PIAS2: variants seen among roughly 807,000 people sequenced by gnomAD.
The protein encoded by PIAS2 is E3 SUMO-protein ligase PIAS2.
PIAS2 carries 19 observed loss-of-function variants against 69.7 expected under a neutral mutation model. That is an observed-to-expected ratio of 0.27 (90% CI 0.19 to 0.40). The LOEUF (loss-of-function observed/expected upper bound fraction) is 0.40. Ranked by LOEUF, PIAS2 falls within the 10% of genes least tolerant of loss-of-function variation. The pLI is 1.00. For missense variants in PIAS2, 624 were observed against 757.0 expected, an observed-to-expected ratio of 0.82 and a Z score of 2.06; for synonymous variants, 261 against 263.2, an observed-to-expected ratio of 0.99 and a Z score of 0.08.
intron 12 of PIAS2, among the ~76,000 whole-genome samples, chr18:46,820,249 A>G (rs1413863069): frequency 1.3e-5 from 2 of 152,162 alleles, no homozygotes; most frequent in African/African-American, 4.8e-5. Flanking sequence ...AAGTGATGCC[A>G]GCATATTGTT....
In PIAS2 at chr18:46,881,813, C is replaced by T. The variant is rs373726976; in HGVS notation, c.499+8767G>A. On this transcript the variant is annotated intron_variant, in intron 2 of 13. Transcript: ENST00000585916. ...TGGCTTCTCCACAATTAAGAATACA[C>T]AGACACCGGGCACGGTGGCTCACGC... is the stretch of plus-strand genomic sequence containing the variant. Among the ~76,000 whole-genome samples, 10 of 152,338 alleles carry T rather than the reference C, an allele frequency of 6.6e-5. No individual in the cohort carries two copies. In the South Asian group the frequency reaches 1.9e-3, roughly 28 times the overall value.
chr18:46,837,617 T>C (rs542742751), intron 8 of PIAS2, among the ~76,000 whole-genome samples: 2 of 152,360 alleles, frequency 1.3e-5, no homozygotes, highest in African/African-American at 4.8e-5. Flanking sequence ...TGTTTTTATA[T>C]AATCAACTGT....
intron 1 of PIAS2, among the ~76,000 whole-genome samples, chr18:46,908,305 T>C (rs979039046): frequency 1.8e-4 from 28 of 152,158 alleles, no homozygotes; most frequent in African/African-American, 6.8e-4. Context: ...AGCAGCATCA[T>C]CTTGTTTTAG....
chr18:46,861,523 G>A (rs964485473), intron 3 of PIAS2, among the ~76,000 whole-genome samples: 2 of 152,120 alleles, frequency 1.3e-5, no homozygotes, highest in Non-Finnish European at 2.9e-5. Context: ...CAGATACCTG[G>A]CAGCTAGTAT....
At chr18:46,862,146 C>G (rs1308958195) in intron 3 of PIAS2, among the ~76,000 whole-genome samples, 1 of 152,112 alleles carries the variant, frequency 6.6e-6, no homozygotes, top group East Asian at 1.9e-4. Context: ...CCCTGGCCAA[C>G]GTGGTGAAAC....
intron 1 of PIAS2, among the ~76,000 whole-genome samples, chr18:46,913,477 C>A (rs1288388015): frequency 6.6e-6 from 1 of 151,562 alleles, no homozygotes; most frequent in Non-Finnish European, 1.5e-5. Context: ...CTCACAGGCA[C>A]ATTCTCTCTC....
At chr18:46,844,593 T>C (rs2045900486) in intron 7 of PIAS2, 141 bp downstream of exon 7, 2 of 391,602 alleles carry the variant, frequency 5.1e-6, no homozygotes, top group Non-Finnish European at 4.5e-6. Flanking sequence ...TCACCAGTAA[T>C]GTATATAAAT....
Position 46,855,560 on chromosome 18 carries a change from C to T in PIAS2, c.635+5G>A. 6.2e-7 allele frequency: 1 copy of T among 1,612,552 alleles called. No homozygotes were observed. The highest frequency in any genetic ancestry group is 8.5e-7 in the Non-Finnish European group (1 of 1,178,808). On this transcript the variant is annotated splice_donor_5th_base_variant and intron_variant, in intron 4 of 13. Transcript: ENST00000585916. Reference sequence around the variant, plus strand: ...AACTAAGGTAACAGAAAATTTCAAACTCACCTCAACTGAACTTGGACTGTA... The same window carrying T: ...AACTAAGGTAACAGAAAATTTCAAATTCACCTCAACTGAACTTGGACTGTA...
chr18:46,844,668 A>C, intron 7 of PIAS2, 66 bp downstream of exon 7: 1 of 550,824 alleles, frequency 1.8e-6, no homozygotes, highest in Non-Finnish European at 3.0e-6. Context: ...TAAAGCATTA[A>C]AGTATCTCAT....
At chr18:46,894,214 A>G (rs2054502539) in intron 1 of PIAS2, among the ~76,000 whole-genome samples, 1 of 152,166 alleles carries the variant, frequency 6.6e-6, no homozygotes, top group Non-Finnish European at 1.5e-5. Flanking sequence ...AATTCTACAA[A>G]TATGTTGTTT....
chr18:46,894,878 C>T (rs1434425221), intron 1 of PIAS2, among the ~76,000 whole-genome samples: 1 of 151,820 alleles, frequency 6.6e-6, no homozygotes, highest in Non-Finnish European at 1.5e-5. Flanking sequence ...TGAGACCAGC[C>T]TGACCAACAC....
In PIAS2 at chr18:46,808,405, TG is replaced by T. The variant is rs1568316689; in HGVS notation, c.*4027del. On this transcript the variant is annotated 3_prime_UTR_variant, in exon 14 of 14. Transcript: ENST00000585916. ...CAGGCAAGCATTAAAGAATGGACAT[TG>T]GGTACAGCTTTATTTATTTCTTTTA... The T allele has an allele frequency of 6.6e-6, 1 of 152,180 alleles. No individual in the cohort carries two copies. Among genetic ancestry groups the T allele is most frequent in the Non-Finnish European group, 1.5e-5 (1 of 68,030 alleles). 9.4% of individuals were successfully genotyped at this position (152,180 alleles called of 1,614,324 possible). A position where few individuals can be genotyped will look rare whatever the true frequency, so the allele number is the denominator to read the frequency against.
At chr18:46,861,142 T>G (rs748414581) in intron 3 of PIAS2, among the ~76,000 whole-genome samples, 1 of 151,418 alleles carries the variant, frequency 6.6e-6, no homozygotes, top group Admixed American at 6.6e-5. Flanking sequence ...TAGCCAGGCA[T>G]GGTGAAGAAT....
At chr18:46,889,651 C>A (rs558178863) in intron 2 of PIAS2, among the ~76,000 whole-genome samples, 1 of 152,044 alleles carries the variant, frequency 6.6e-6, no homozygotes, top group African/African-American at 2.4e-5. Context: ...GCAGCTGCCA[C>A]GGAAAACAGT....
chr18:46,816,638 A>T (rs547080190), intron 12 of PIAS2: 44 of 242,926 alleles, frequency 1.8e-4, no homozygotes, highest in East Asian at 9.2e-4. Flanking sequence ...TATTATTATT[A>T]TTTTTTTTTT....
intron 2 of PIAS2, among the ~76,000 whole-genome samples, chr18:46,886,247 A>G (rs919467998): frequency 1.3e-5 from 2 of 152,160 alleles, no homozygotes; most frequent in Admixed American, 6.5e-5. Context: ...TACCCAAGCC[A>G]TATCACTAGT....
intron 2 of PIAS2, among the ~76,000 whole-genome samples, chr18:46,872,608 T>G (rs1223250312): frequency 6.6e-6 from 1 of 152,106 alleles, no homozygotes; most frequent in East Asian, 1.9e-4. Context: ...GGTTACGAGT[T>G]TCAAAAGGAA....
intron 9 of PIAS2, among the ~76,000 whole-genome samples, chr18:46,834,046 A>G (rs2044067129): frequency 6.6e-6 from 1 of 151,524 alleles, no homozygotes; most frequent in Admixed American, 6.6e-5. Flanking sequence ...CATCTCCCAT[A>G]CTAGAAGTGC....
chr18:46,870,222 G>A (rs1568625883), intron 2 of PIAS2, among the ~76,000 whole-genome samples: 1 of 152,100 alleles, frequency 6.6e-6, no homozygotes, highest in Non-Finnish European at 1.5e-5. Context: ...TAAGGAATCA[G>A]CCCCAACTCT....
Sources: gnomAD v4.1 joint callset for allele counts (sites outside exome capture counted in the v4.1 genomes callset) on GRCh38, gnomAD v4.1.1 for gene constraint, MANE v1.5 for transcripts, NCBI Gene and HGNC (gene_info 2026-07-23, HGNC 2026-07-21) for gene names.